TMEM163: variants seen among roughly 807,000 people sequenced by gnomAD.
TMEM163 encodes transmembrane protein 163.
In TMEM163, 17 loss-of-function variants were observed where a neutral mutation model predicts 29.3. The observed-to-expected ratio is 0.58, with a 90% confidence interval of 0.40 to 0.87. The LOEUF (loss-of-function observed/expected upper bound fraction) is 0.87, where lower values mean the gene tolerates loss of function less well. Among genes scored for constraint, TMEM163 ranks in the 40% least tolerant of loss-of-function variants. The probability of loss-of-function intolerance (pLI) is 0.00; values close to 1 mark genes in which losing one functional copy is unlikely to be tolerated. For synonymous variants in TMEM163, 157 were observed against 160.6 expected (o/e 0.98, Z 0.17); for missense variants, 303 against 381.5 (o/e 0.79, Z 1.71).
At chr2:134,522,774 C>G (rs1393068929) in intron 4 of TMEM163, among the ~76,000 whole-genome samples, 1 of 152,210 alleles carries the variant, frequency 6.6e-6, no homozygotes, top group Non-Finnish European at 1.5e-5. Context: ...CCAATTTTCC[C>G]TACTGTTACA....
At chr2:134,671,495 C>G (rs546822043) in intron 2 of TMEM163, among the ~76,000 whole-genome samples, 2 of 152,134 alleles carry the variant, frequency 1.3e-5, no homozygotes, top group Non-Finnish European at 2.9e-5. Flanking sequence ...GGTTCAAGCC[C>G]GAAACAAACT....
In TMEM163 at chr2:134,683,335, G is replaced by A. The variant is rs111487601; in HGVS notation, c.322+29865C>T. Among the ~76,000 whole-genome samples, 234 of 151,898 alleles carry A rather than the reference G, an allele frequency of 1.5e-3. 1 individual carries two copies. Among genetic ancestry groups the A allele is most frequent in the African/African-American group, 5.5e-3 (227 of 41,422 alleles). On this transcript the variant is annotated intron_variant, in intron 2 of 7. Transcript: ENST00000281924. ...TCTATTGATAACGGGGGGAAGCTAT[G>A]TGTTTATGGGGGCAGAGTATATGGA...
intron 2 of TMEM163, among the ~76,000 whole-genome samples, chr2:134,649,379 T>A (rs1004798664): frequency 2.2e-4 from 33 of 152,152 alleles, no homozygotes; most frequent in African/African-American, 8.0e-4. Context: ...CAGTGACCAA[T>A]ACACCCTCAA....
intron 2 of TMEM163, among the ~76,000 whole-genome samples, chr2:134,595,894 G>T (rs887459968): frequency 2.0e-5 from 3 of 152,160 alleles, no homozygotes; most frequent in Admixed American, 6.5e-5. Flanking sequence ...TCATGTGTCT[G>T]TTGGCTGCAT....
chr2:134,570,501 T>TATACACATACAC (rs1553481943), intron 2 of TMEM163, among the ~76,000 whole-genome samples: 3 of 143,876 alleles, frequency 2.1e-5, no homozygotes, highest in African/African-American at 8.7e-5. Flanking sequence ...TACATATACA[T>TATACACATACAC]ATACATATAC....
chr2:134,673,029 C>T (rs1180114647), intron 2 of TMEM163, among the ~76,000 whole-genome samples: 3 of 152,160 alleles, frequency 2.0e-5, no homozygotes, highest in Admixed American at 1.3e-4. Flanking sequence ...CCTCCAAAGG[C>T]ATCCCATCAC....
intron 2 of TMEM163, among the ~76,000 whole-genome samples, chr2:134,595,824 A>G (rs1682066418): frequency 6.6e-6 from 1 of 152,188 alleles, no homozygotes; most frequent in South Asian, 2.1e-4. Flanking sequence ...GGTGTGAGAT[A>G]GTAACTCATT....
chr2:134,579,096 C>T (rs187714648), intron 2 of TMEM163, among the ~76,000 whole-genome samples: 2 of 152,298 alleles, frequency 1.3e-5, no homozygotes, highest in East Asian at 3.9e-4. Flanking sequence ...TGCGTTGGAC[C>T]TATCATGTCC....
intron 5 of TMEM163, among the ~76,000 whole-genome samples, chr2:134,478,177 G>T (rs912609667): frequency 7.2e-5 from 11 of 152,022 alleles, no homozygotes; most frequent in Admixed American, 7.2e-4. Context: ...GCAGATGTTG[G>T]TGCCATGATT....
chr2:134,496,657 G>T (rs1022959658), intron 5 of TMEM163, among the ~76,000 whole-genome samples: 1 of 152,190 alleles, frequency 6.6e-6, no homozygotes, highest in Non-Finnish European at 1.5e-5. Context: ...GAAGCTGCTT[G>T]GTTCTAGTGA....
chr2:134,543,880 TC>T (rs1269297269), intron 4 of TMEM163, among the ~76,000 whole-genome samples: 1 of 152,094 alleles, frequency 6.6e-6, no homozygotes, highest in African/African-American at 2.4e-5. Context: ...CCAATTCCCA[TC>T]CCAATGTGCT....
intron 2 of TMEM163, among the ~76,000 whole-genome samples, chr2:134,705,230 A>T (rs926292643): frequency 9.2e-5 from 14 of 151,890 alleles, no homozygotes; most frequent in Admixed American, 9.2e-4. Context: ...AAAAATTCAA[A>T]TGTTGATGCC....
chr2:134,527,057 T>C (rs980109649), intron 4 of TMEM163, among the ~76,000 whole-genome samples: 1 of 152,024 alleles, frequency 6.6e-6, no homozygotes, highest in African/African-American at 2.4e-5. Context: ...TTCTAGGGAG[T>C]TATCAATTAA....
At position 134,492,942 on chromosome 2, in the gene TMEM163, T is replaced by C. The variant is rs115738074; in HGVS notation, c.555+9959A>G. Among the ~76,000 whole-genome samples the C allele has an allele frequency of 7.3e-3, 1,105 of 152,342 alleles. 9 individuals are homozygous for C. The highest frequency in any genetic ancestry group is 0.025 in the African/African-American group (1,028 of 41,566). On this transcript the variant is annotated intron_variant, in intron 5 of 7. Transcript: ENST00000281924. ...ACCCTGGATTGTTTTCCAAAGCGGT[T>C]GTAACATTTTACTCTCTCACCATCA...
chr2:134,537,167 G>C (rs900534560), intron 4 of TMEM163, among the ~76,000 whole-genome samples: 1 of 152,128 alleles, frequency 6.6e-6, no homozygotes, highest in African/African-American at 2.4e-5. Flanking sequence ...CCTAAATATT[G>C]TATTCACCTA....
In TMEM163 at chr2:134,687,770, C is replaced by T. The variant is rs112345040; in HGVS notation, c.322+25430G>A. Reference sequence around the variant, plus strand: ...CAGTGTGGTAAAAGGCAGAACCTAGCTTATCAACCAATAATGTAATGTTTA... The same window carrying T: ...CAGTGTGGTAAAAGGCAGAACCTAGTTTATCAACCAATAATGTAATGTTTA... On this transcript the variant is annotated intron_variant, in intron 2 of 7. Transcript: ENST00000281924. Among the ~76,000 whole-genome samples the T allele has an allele frequency of 7.8e-3, 1,195 of 152,294 alleles. 8 individuals carry two copies. The highest frequency in any genetic ancestry group is 0.024 in the Middle Eastern group (7 of 294).
intron 2 of TMEM163, among the ~76,000 whole-genome samples, chr2:134,559,424 A>G (rs1681118691): frequency 6.6e-6 from 1 of 152,198 alleles, no homozygotes; most frequent in Non-Finnish European, 1.5e-5. Flanking sequence ...AAATTACAAA[A>G]AGCTGTACCA....
intron 4 of TMEM163, among the ~76,000 whole-genome samples, chr2:134,507,178 A>G (rs900714515): frequency 6.6e-6 from 1 of 152,046 alleles, no homozygotes; most frequent in Non-Finnish European, 1.5e-5. Flanking sequence ...CTCTACTAAA[A>G]ATACAAAATT....
At chr2:134,587,542 C>T (rs898894868) in intron 2 of TMEM163, among the ~76,000 whole-genome samples, 2 of 152,224 alleles carry the variant, frequency 1.3e-5, no homozygotes, top group African/African-American at 4.8e-5. Flanking sequence ...CCTGCACGTC[C>T]AGGTCAAAGG....
Sources: allele counts gnomAD v4.1 joint callset (sites outside exome capture counted in the v4.1 genomes callset), GRCh38; gene constraint gnomAD v4.1.1; transcripts MANE v1.5; gene names NCBI Gene and HGNC (gene_info 2026-07-23, HGNC 2026-07-21).